Variants in MARCHF1 observed in about 807,000 individuals in gnomAD.
The protein encoded by MARCHF1 is E3 ubiquitin-protein ligase MARCHF1.
In MARCHF1, 40 loss-of-function variants were observed where a neutral mutation model predicts 54.2. The observed-to-expected ratio is 0.74, with a 90% CI of 0.57 to 0.96. MARCHF1 has a LOEUF of 0.96. Ranked by LOEUF, MARCHF1 falls within the 40% of genes least tolerant of loss-of-function variation. The pLI, the probability that MARCHF1 is intolerant of heterozygous loss-of-function variation, is 0.00. For synonymous variants in MARCHF1, 236 were observed against 236.3 expected (o/e 1.00, Z 0.01); for missense variants, 586 against 656.5 (o/e 0.89, Z 1.17).
chr4:163,978,090 T>C (rs937489731), intron 3 of MARCHF1, among the ~76,000 whole-genome samples: 2 of 152,194 alleles, frequency 1.3e-5, no homozygotes, highest in Admixed American at 6.5e-5. Context: ...TGCTCAGCAA[T>C]TCTGAGATTG....
intron 4 of MARCHF1, among the ~76,000 whole-genome samples, chr4:163,723,930 C>A (rs910628750): frequency 2.0e-5 from 3 of 152,152 alleles, no homozygotes; most frequent in East Asian, 3.9e-4. Context: ...TTCGTCTAAT[C>A]TTTTTTCAAG....
intron 1 of MARCHF1, among the ~76,000 whole-genome samples, chr4:164,219,816 C>CT (rs1199974400): frequency 1.3e-5 from 2 of 151,972 alleles, no homozygotes; most frequent in Non-Finnish European, 2.9e-5. Flanking sequence ...CAATGCTACA[C>CT]TAGGACATTA....
rs559949143 is a variant in MARCHF1, at chr4:164,347,599, C to G, written c.-323+36271G>C. Among the ~76,000 whole-genome samples the G allele has an allele frequency of 1.3e-4, 20 of 152,184 alleles. No individual in the cohort carries two copies. The South Asian group carries it at 4.2e-3, about 32-fold the overall frequency. On this transcript the variant is annotated intron_variant, in intron 1 of 9. Coordinates refer to ENST00000514618, the MANE Select transcript of MARCHF1 (RefSeq NM_001394959.1). Reference sequence around the variant, plus strand: ...GGCTAATTATTTAGTTCTAAGATATCCACCGTGCTGCCATTTTTTAGAATA... The same window carrying G: ...GGCTAATTATTTAGTTCTAAGATATGCACCGTGCTGCCATTTTTTAGAATA...
At chr4:164,018,397 G>A (rs1753591155) in intron 2 of MARCHF1, among the ~76,000 whole-genome samples, 1 of 151,840 alleles carries the variant, frequency 6.6e-6, no homozygotes, top group South Asian at 2.1e-4. Flanking sequence ...ACATATATAT[G>A]ATTATATCTA....
At chr4:164,274,716 T>G (rs1428778227) in intron 1 of MARCHF1, among the ~76,000 whole-genome samples, 5 of 124,772 alleles carry the variant, frequency 4.0e-5, no homozygotes, top group Admixed American at 2.0e-4. Context: ...TCGCTCTGTC[T>G]CCCAGGCTGG....
intron 5 of MARCHF1, among the ~76,000 whole-genome samples, chr4:163,699,727 C>T (rs1295983337): frequency 3.3e-5 from 5 of 152,094 alleles, no homozygotes; most frequent in African/African-American, 1.2e-4. Flanking sequence ...ACAAATCCAT[C>T]TTGCTTCTAA....
intron 2 of MARCHF1, among the ~76,000 whole-genome samples, chr4:164,000,361 T>C (rs914808546): frequency 6.6e-6 from 1 of 151,904 alleles, no homozygotes; most frequent in Middle Eastern, 3.4e-3. Flanking sequence ...TTCTTGAAAG[T>C]CTTAACAGAT....
intron 4 of MARCHF1, among the ~76,000 whole-genome samples, chr4:163,734,581 T>C (rs774662388): frequency 4.0e-5 from 6 of 149,854 alleles, no homozygotes; most frequent in Non-Finnish European, 8.9e-5. Context: ...CTTTTTGTAA[T>C]GTTCCAATTC....
intron 1 of MARCHF1, among the ~76,000 whole-genome samples, chr4:164,235,810 G>A (rs143913835): frequency 2.6e-5 from 4 of 152,156 alleles, no homozygotes; most frequent in Non-Finnish European, 4.4e-5. Flanking sequence ...CTCGGGTGAT[G>A]GGTGTACTAC....
intron 2 of MARCHF1, among the ~76,000 whole-genome samples, chr4:163,998,239 G>C (rs1753117760): frequency 6.6e-6 from 1 of 150,864 alleles, no homozygotes; most frequent in Non-Finnish European, 1.5e-5. Flanking sequence ...ATCTATACTA[G>C]GCCTCTAAAG....
chr4:164,065,231 G>A (rs1022916656), intron 2 of MARCHF1, among the ~76,000 whole-genome samples: 2 of 152,158 alleles, frequency 1.3e-5, no homozygotes, highest in African/African-American at 2.4e-5. Flanking sequence ...AATGGTACTA[G>A]TTCCTCTTTG....
At chr4:164,028,759 T>C (rs368558396) in intron 2 of MARCHF1, among the ~76,000 whole-genome samples, 16 of 152,278 alleles carry the variant, frequency 1.1e-4, no homozygotes, top group East Asian at 9.6e-4. Flanking sequence ...AAACACTTCC[T>C]TAGTTATACT....
intron 1 of MARCHF1, among the ~76,000 whole-genome samples, chr4:164,132,334 C>T (rs991751207): frequency 2.0e-5 from 3 of 151,946 alleles, no homozygotes; most frequent in African/African-American, 7.3e-5. Context: ...CCTGCTATTC[C>T]AAATTTGTGA....
intron 2 of MARCHF1, among the ~76,000 whole-genome samples, chr4:164,058,923 G>C (rs1200227169): frequency 6.6e-6 from 1 of 152,174 alleles, no homozygotes; most frequent in Non-Finnish European, 1.5e-5. Flanking sequence ...GCCAAAAACT[G>C]CAGGTGTTCC....
At chr4:164,101,824 G>T (rs1755569319) in intron 2 of MARCHF1, among the ~76,000 whole-genome samples, 1 of 151,604 alleles carries the variant, frequency 6.6e-6, no homozygotes, top group Non-Finnish European at 1.5e-5. Context: ...TGAGCTACGG[G>T]AGGACATTCA....
intron 2 of MARCHF1, among the ~76,000 whole-genome samples, chr4:164,077,700 C>G (rs1755008997): frequency 6.6e-6 from 1 of 152,104 alleles, no homozygotes; most frequent in Non-Finnish European, 1.5e-5. Flanking sequence ...AACAAACAAT[C>G]CCATCAAAAA....
At chr4:163,864,415 G>A (rs953016115) in intron 3 of MARCHF1, among the ~76,000 whole-genome samples, 4 of 151,798 alleles carry the variant, frequency 2.6e-5, no homozygotes, top group African/African-American at 9.7e-5. Flanking sequence ...GAAAAGCAAG[G>A]AAAGTCTAAG....
chr4:164,185,370 A>G (rs1405832215), intron 1 of MARCHF1, among the ~76,000 whole-genome samples: 1 of 152,208 alleles, frequency 6.6e-6, no homozygotes. Flanking sequence ...TATTGCCATC[A>G]CTATATCCAA....
chr4:163,839,995 T>A (rs1749293714), intron 4 of MARCHF1, among the ~76,000 whole-genome samples: 1 of 152,094 alleles, frequency 6.6e-6, no homozygotes, highest in Admixed American at 6.6e-5. Context: ...AAAAAGAGAC[T>A]AAGCAAAATA....
Sources: gnomAD v4.1 joint callset for allele counts (sites outside exome capture counted in the v4.1 genomes callset) on GRCh38, gnomAD v4.1.1 for gene constraint, MANE v1.5 for transcripts, NCBI Gene and HGNC (gene_info 2026-07-23, HGNC 2026-07-21) for gene names.